RALYL: variants seen among roughly 807,000 people sequenced by gnomAD.
RALYL encodes the protein RALY RNA binding protein like, also known as RNA-binding Raly-like protein.
Under a neutral mutation model 35.1 loss-of-function variants are expected in RALYL, and 29 were observed. The observed-to-expected ratio is 0.83, with a 90% CI of 0.61 to 1.13. The LOEUF is 1.13. Among genes scored for constraint, RALYL ranks in the 50% most tolerant of loss-of-function variants. RALYL has a pLI of 0.00. For synonymous variants in RALYL, 120 were observed against 127.6 expected, an observed-to-expected ratio of 0.94 and a Z score of 0.40; for missense variants, 359 against 360.4, an observed-to-expected ratio of 1.00 and a Z score of 0.03.
At chr8:84,705,215 T>C (rs888144783) in intron 2 of RALYL, among the ~76,000 whole-genome samples, 1 of 152,142 alleles carries the variant, frequency 6.6e-6, no homozygotes, top group Non-Finnish European at 1.5e-5. Flanking sequence ...CCTTGTCCAC[T>C]TGAGTGACAG....
chr8:84,248,274 C>T (rs1187100206), intron 1 of RALYL, among the ~76,000 whole-genome samples: 3 of 152,046 alleles, frequency 2.0e-5, no homozygotes. Flanking sequence ...GCCTGAACAA[C>T]ATTTCAGGGG....
intron 2 of RALYL, among the ~76,000 whole-genome samples, chr8:84,623,108 G>A (rs142368489): frequency 5.1e-4 from 78 of 152,274 alleles, no homozygotes; most frequent in Non-Finnish European, 7.4e-5. Flanking sequence ...GTCCCTGAAT[G>A]TGACAGTAAA....
chr8:84,290,326 C>T (rs1838518175), intron 1 of RALYL, among the ~76,000 whole-genome samples: 1 of 152,126 alleles, frequency 6.6e-6, no homozygotes, highest in African/African-American at 2.4e-5. Flanking sequence ...GTGAAGAGAC[C>T]ACCAAACAGG....
At chr8:84,396,030 T>A (rs1861683218) in intron 1 of RALYL, among the ~76,000 whole-genome samples, 1 of 152,024 alleles carries the variant, frequency 6.6e-6, no homozygotes, top group South Asian at 2.1e-4. Flanking sequence ...CATTTTAGCA[T>A]ATTGCTTTGA....
chr8:84,484,074 C>T (rs2054337167), intron 1 of RALYL, among the ~76,000 whole-genome samples: 1 of 151,924 alleles, frequency 6.6e-6, no homozygotes, highest in African/African-American at 2.4e-5. Context: ...GGTTTTCTTG[C>T]AATAGATAGC....
chr8:84,533,139 T>A (rs965537057), intron 2 of RALYL, among the ~76,000 whole-genome samples: 1 of 152,118 alleles, frequency 6.6e-6, no homozygotes, highest in Non-Finnish European at 1.5e-5. Context: ...TATATTTGGT[T>A]ATTTAATTGA....
intron 1 of RALYL, among the ~76,000 whole-genome samples, chr8:84,366,845 A>T (rs745670195): frequency 6.6e-6 from 1 of 151,232 alleles, no homozygotes; most frequent in African/African-American, 2.4e-5. Context: ...CTGTTCACAC[A>T]ATATACAAAC....
intron 1 of RALYL, among the ~76,000 whole-genome samples, chr8:84,312,034 T>G (rs1842913657): frequency 6.6e-6 from 1 of 152,214 alleles, no homozygotes; most frequent in African/African-American, 2.4e-5. Flanking sequence ...TGACTCACAA[T>G]TCTGCATGGC....
intron 5 of RALYL, among the ~76,000 whole-genome samples, chr8:84,861,570 T>A (rs995882856): frequency 6.6e-6 from 1 of 152,216 alleles, no homozygotes; most frequent in African/African-American, 2.4e-5. Flanking sequence ...ATAAAATATC[T>A]CTAGTCTCAA....
chr8:84,521,882 A>G (rs1458145145), intron 1 of RALYL, among the ~76,000 whole-genome samples: 1 of 152,134 alleles, frequency 6.6e-6, no homozygotes, highest in Non-Finnish European at 1.5e-5. Flanking sequence ...CCAGATGAAA[A>G]CACCTCTTTC....
At chr8:84,311,059 A>C (rs1468978102) in intron 1 of RALYL, among the ~76,000 whole-genome samples, 2 of 118,952 alleles carry the variant, frequency 1.7e-5, no homozygotes, top group Non-Finnish European at 3.6e-5. Context: ...GTCTCAAAAA[A>C]AAAAAAAAAA....
At chr8:84,233,086 G>A (rs988363653) in intron 1 of RALYL, among the ~76,000 whole-genome samples, 4 of 151,820 alleles carry the variant, frequency 2.6e-5, no homozygotes, top group African/African-American at 7.3e-5. Flanking sequence ...GGGCTCAAAC[G>A]ATCCACCTGC....
chr8:84,689,224 C>T (rs1003457411), intron 2 of RALYL, among the ~76,000 whole-genome samples: 4 of 152,086 alleles, frequency 2.6e-5, no homozygotes, highest in African/African-American at 9.7e-5. Context: ...GCTATCCCTC[C>T]CCCAACCCCC....
At chr8:84,469,949 C>T (rs1364808083) in intron 1 of RALYL, among the ~76,000 whole-genome samples, 3 of 152,198 alleles carry the variant, frequency 2.0e-5, no homozygotes, top group African/African-American at 7.2e-5. Context: ...AGGGAACTCC[C>T]TGACCCCTTG....
chr8:84,802,855 A>G (rs1823667717), intron 3 of RALYL, among the ~76,000 whole-genome samples: 1 of 152,172 alleles, frequency 6.6e-6, no homozygotes, highest in Non-Finnish European at 1.5e-5. Context: ...CGGAGAGACT[A>G]ACTAGGCTGG....
At chr8:84,528,270 G>A (rs1053080567) in intron 1 of RALYL, among the ~76,000 whole-genome samples, 1 of 151,876 alleles carries the variant, frequency 6.6e-6, no homozygotes, top group Admixed American at 6.6e-5. Context: ...TAGCCTTAAT[G>A]GTGTCTATAA....
At chr8:84,330,316 G>C (rs1017366997) in intron 1 of RALYL, among the ~76,000 whole-genome samples, 2 of 151,964 alleles carry the variant, frequency 1.3e-5, no homozygotes, top group African/African-American at 4.8e-5. Context: ...AGGAGTGTTT[G>C]ACAATATATA....
At chr8:84,231,504 G>A (rs576980725) in intron 1 of RALYL, among the ~76,000 whole-genome samples, 9 of 152,200 alleles carry the variant, frequency 5.9e-5, no homozygotes, top group East Asian at 3.9e-4. Context: ...AACGTAAAGC[G>A]CAATGCCATG....
intron 1 of RALYL, among the ~76,000 whole-genome samples, chr8:84,412,935 T>A (rs1340583578): frequency 6.6e-6 from 1 of 151,804 alleles, no homozygotes; most frequent in African/African-American, 2.4e-5. Flanking sequence ...GTCCTACAGT[T>A]TGTGGAAGAT....
Sources: gnomAD v4.1 joint callset for allele counts (sites outside exome capture counted in the v4.1 genomes callset) on GRCh38, gnomAD v4.1.1 for gene constraint, MANE v1.5 for transcripts, NCBI Gene and HGNC (gene_info 2026-07-23, HGNC 2026-07-21) for gene names.